Variants in RAB28 observed in about 807,000 individuals in gnomAD.
The protein encoded by RAB28 is ras-related protein Rab-28.
In RAB28, 24 loss-of-function variants were observed where a neutral mutation model predicts 31.7. The ratio of observed to expected loss-of-function variants is 0.76; its 90% CI spans 0.55 to 1.06. The LOEUF (loss-of-function observed/expected upper bound fraction) is 1.06. RAB28 is among the 50% of genes least tolerant of loss of function. RAB28 has a pLI of 0.00. For missense variants in RAB28, 254 were observed against 258.5 expected (o/e 0.98, Z 0.12); for synonymous variants, 100 against 90.4 (o/e 1.11, Z -0.60).
intron 4 of RAB28, among the ~76,000 whole-genome samples, chr4:13,453,878 TAAG>T (rs1182679793): frequency 1.3e-5 from 2 of 152,190 alleles, no homozygotes; most frequent in African/African-American, 4.8e-5. Flanking sequence ...CTTTCAAAAT[TAAG>T]AAGTTTTTGG....
At chr4:13,472,028 T>C (rs749506702) in intron 3 of RAB28, among the ~76,000 whole-genome samples, 3 of 152,122 alleles carry the variant, frequency 2.0e-5, no homozygotes, top group Non-Finnish European at 4.4e-5. Flanking sequence ...CTCATTAATG[T>C]CTGCTTACTG....
chr4:13,445,298 T>C (rs1339390208), intron 4 of RAB28, among the ~76,000 whole-genome samples: 1 of 152,098 alleles, frequency 6.6e-6, no homozygotes, highest in Non-Finnish European at 1.5e-5. Flanking sequence ...TCAATGTTCA[T>C]AACTTCTTTG....
chr4:13,391,055 G>A (rs112207709), intron 4 of RAB28, among the ~76,000 whole-genome samples: 8,513 of 152,182 alleles, frequency 0.056, 548 homozygotes, highest in African/African-American at 0.16. Context: ...ATTGACAAAT[G>A]GGATCTAATT....
chr4:13,396,161 T>TAA, intron 4 of RAB28, among the ~76,000 whole-genome samples: 1 of 152,164 alleles, frequency 6.6e-6, no homozygotes. Context: ...AATGTCACTG[T>TAA]CTAACTTAAA....
rs941834620 is a variant in RAB28 at position 13,407,123 on chromosome 4, G to A, written c.392-25529C>T. Among the ~76,000 whole-genome samples, 88 of 152,142 alleles carry A rather than the reference G, an allele frequency of 5.8e-4. 1 individual carries two copies. Among genetic ancestry groups the A allele is most frequent in the Middle Eastern group, 3.4e-3 (1 of 294 alleles). On this transcript the variant is annotated intron_variant, in intron 4 of 6. Transcript: ENST00000330852. ...TGATATTGCCTAGGTTTTCTTCTAG[G>A]GTATTTATGGTTTTAGGTCTAACAT...
At chr4:13,371,152 A>G (rs952435019) in intron 6 of RAB28, 12 of 985,288 alleles carry the variant, frequency 1.2e-5, no homozygotes, top group Non-Finnish European at 1.4e-5. Flanking sequence ...GCTGAGGCAT[A>G]CGAACATATT....
intron 3 of RAB28, among the ~76,000 whole-genome samples, chr4:13,467,475 T>C (rs1056961329): frequency 6.6e-6 from 1 of 151,898 alleles, no homozygotes; most frequent in African/African-American, 2.4e-5. Context: ...TGGATGATTA[T>C]AGCATATAGA....
rs1715551592 is a variant in RAB28 at position 13,460,778 on chromosome 4, T to TA, written c.311dup (p.Leu104PhefsTer27). ...TCTTCACCACAGTATACCAATCTTC[T>TA]AAATTCTCAAAGCTTTGATAATTTG... On this transcript the variant is annotated frameshift_variant, in exon 4 of 7. Transcript: ENST00000330852. LOFTEE classifies it high-confidence loss of function. The TA allele has an allele frequency of 6.2e-7, 1 of 1,613,762 alleles. No homozygotes were observed. Among genetic ancestry groups the TA allele is most frequent in the Non-Finnish European group, 8.5e-7 (1 of 1,179,810 alleles).
chr4:13,441,558 T>G lies in RAB28; in HGVS notation c.391+19141A>C, dbSNP rs372713266. ...TAAATAAAAGCTTATTTCACTATAA[T>G]GATGCTTCCAGGCTTCCCTCAAGTC... On this transcript the variant is annotated intron_variant, in intron 4 of 6. Coordinates refer to ENST00000330852, the MANE Select transcript of RAB28 (RefSeq NM_001017979.3). Among the ~76,000 whole-genome samples, 4 of 152,208 alleles carry G rather than the reference T, an allele frequency of 2.6e-5. No individual in the cohort carries two copies. The East Asian group carries it at 7.7e-4, about 29-fold the overall frequency.
intron 3 of RAB28, among the ~76,000 whole-genome samples, chr4:13,462,939 G>C (rs1715670189): frequency 6.6e-6 from 1 of 152,196 alleles, no homozygotes; most frequent in Non-Finnish European, 1.5e-5. Context: ...GTTGAAAAGA[G>C]CTCTACGCTG....
At chr4:13,420,189 C>A (rs1713044147) in intron 4 of RAB28, among the ~76,000 whole-genome samples, 1 of 152,086 alleles carries the variant, frequency 6.6e-6, no homozygotes, top group Non-Finnish European at 1.5e-5. Context: ...AACATACACC[C>A]TCCCAAGACT....
intron 4 of RAB28, among the ~76,000 whole-genome samples, chr4:13,429,666 T>C (rs180848878): frequency 3.3e-5 from 5 of 152,328 alleles, no homozygotes; most frequent in African/African-American, 4.8e-5. Context: ...CTCATGTTAA[T>C]AGATCGGAAG....
chr4:13,402,658 G>A (rs2108901762), intron 4 of RAB28, among the ~76,000 whole-genome samples: 1 of 151,852 alleles, frequency 6.6e-6, no homozygotes, highest in Middle Eastern at 3.4e-3. Flanking sequence ...TATAGTAGTC[G>A]GGTCTTGCTT....
Position 13,484,120 on chromosome 4 carries a change from G to A in RAB28, c.31C>T (p.Arg11Trp), listed in dbSNP as rs759075698. ...CCCAGCACGACGATTTTCAGTTGCC[G>A]GTCCTGGCTCTCCTCCTCAGAGTCC... is the stretch of plus-strand genomic sequence containing the variant. MSDSEEESQD[R>W]QLKIVVLGDG... Residue 11 changes from arginine (R) to tryptophan (W), a missense_variant, in exon 1 of 7, where the codon CGG becomes TGG. By Grantham distance (101) the Arg-to-Trp change is moderately radical. Transcript: ENST00000330852. 3.1e-6 allele frequency: 5 copies of A among 1,599,630 alleles called. No individual in the cohort carries two copies. Among genetic ancestry groups the A allele is most frequent in the African/African-American group, 1.3e-5 (1 of 74,598 alleles).
intron 6 of RAB28, chr4:13,371,391 A>G (rs1728706420): frequency 2.0e-6 from 2 of 985,166 alleles, no homozygotes; most frequent in Non-Finnish European, 1.2e-6. Flanking sequence ...AAGAGATGGG[A>G]TTTTCATAAT....
chr4:13,376,162 T>C (rs1728914498), intron 6 of RAB28, among the ~76,000 whole-genome samples: 1 of 151,996 alleles, frequency 6.6e-6, no homozygotes, highest in Admixed American at 6.6e-5. Context: ...AAACTGACAA[T>C]AAAATAACAT....
In RAB28 at chr4:13,402,791, AT is replaced by A. The variant is rs998809972; in HGVS notation, c.392-21198del. Among the ~76,000 whole-genome samples the A allele has an allele frequency of 1.2e-3, 182 of 151,728 alleles. 1 individual carries two copies. Among genetic ancestry groups the A allele is most frequent in the Non-Finnish European group, 2.2e-3 (151 of 67,916 alleles). ...GCTTTCTGCCTCATATATTATTATT[AT>A]TTTTTTATTATTATTATTTTGAAAC... On this transcript the variant is annotated intron_variant, in intron 4 of 6. Coordinates refer to ENST00000330852, the MANE Select transcript of RAB28 (RefSeq NM_001017979.3).
At chr4:13,434,918 C>A (rs575806848) in intron 4 of RAB28, among the ~76,000 whole-genome samples, 1 of 149,318 alleles carries the variant, frequency 6.7e-6, no homozygotes, top group Non-Finnish European at 1.5e-5. Flanking sequence ...ACTCAGGAGG[C>A]TGAGGCAGGA....
At chr4:13,482,991 G>C (rs1244417459) in intron 1 of RAB28, among the ~76,000 whole-genome samples, 1 of 152,170 alleles carries the variant, frequency 6.6e-6, no homozygotes, top group Non-Finnish European at 1.5e-5. Flanking sequence ...GGAAATAAAA[G>C]CCTGGGTTTC....
Sources: gnomAD v4.1 joint callset for allele counts (sites outside exome capture counted in the v4.1 genomes callset) on GRCh38, gnomAD v4.1.1 for gene constraint, MANE v1.5 for transcripts, NCBI Gene and HGNC (gene_info 2026-07-23, HGNC 2026-07-21) for gene names.